PTPRM: variants seen among roughly 807,000 people sequenced by gnomAD.
PTPRM encodes protein tyrosine phosphatase receptor type M.
PTPRM carries 47 observed loss-of-function variants against 186.7 expected under a neutral mutation model. The observed-to-expected ratio is 0.25, with a 90% CI of 0.20 to 0.32. The LOEUF is 0.32. Ranked by LOEUF, PTPRM falls within the 10% of genes least tolerant of loss-of-function variation. The pLI is 1.00. For synonymous variants in PTPRM, 668 were observed against 674.9 expected (o/e 0.99, Z 0.16); for missense variants, 1,494 against 1,865.0 (o/e 0.80, Z 3.66).
At chr18:8,056,006 T>C (rs2087903325) in intron 7 of PTPRM, among the ~76,000 whole-genome samples, 2 of 152,106 alleles carry the variant, frequency 1.3e-5, no homozygotes, top group African/African-American at 4.8e-5. Context: ...CCTACGCAAT[T>C]AAAAAAATTG....
chr18:7,576,834 A>G (rs2036700057), intron 1 of PTPRM, among the ~76,000 whole-genome samples: 1 of 152,088 alleles, frequency 6.6e-6, no homozygotes, highest in Admixed American at 6.5e-5. Flanking sequence ...GAGGTACTTT[A>G]CATCATGTAA....
intron 8 of PTPRM, among the ~76,000 whole-genome samples, chr18:8,074,517 C>T (rs1306217073): frequency 6.6e-6 from 1 of 152,170 alleles, no homozygotes. Flanking sequence ...CTTTACCTTC[C>T]CTCCAGCAGG....
At chr18:7,847,170 G>T (rs559308690) in intron 2 of PTPRM, among the ~76,000 whole-genome samples, 2 of 115,968 alleles carry the variant, frequency 1.7e-5, no homozygotes, top group African/African-American at 6.2e-5. Flanking sequence ...ATACAAATCT[G>T]GCTTTTTTTT....
chr18:7,769,974 A>G (rs1259397800), intron 1 of PTPRM, among the ~76,000 whole-genome samples: 1 of 152,146 alleles, frequency 6.6e-6, no homozygotes, highest in Non-Finnish European at 1.5e-5. Flanking sequence ...CATCTTGTAT[A>G]TGACTTGGGT....
At chr18:8,308,224 G>T (rs2095241316) in intron 20 of PTPRM, among the ~76,000 whole-genome samples, 2 of 152,286 alleles carry the variant, frequency 1.3e-5, no homozygotes, top group South Asian at 2.1e-4. Context: ...AGTGTGAGTG[G>T]CAGGCTTTTG....
At position 8,341,691 on chromosome 18, in the gene PTPRM, C is replaced by CCG. The variant is rs777738212; in HGVS notation, c.2957-1731_2957-1730insGC. 2.6e-4 allele frequency among the ~76,000 whole-genome samples: 40 copies of CCG among 152,044 alleles called. No individual in the cohort carries two copies. The East Asian group carries it at 5.6e-3, about 21-fold the overall frequency. Reference sequence around the variant, plus strand: ...CTGTGTACCTAGTGAAGCCCCCCCCCCTTTGATTCAGGGGTCACATTGGGC... The same window carrying CCG: ...CTGTGTACCTAGTGAAGCCCCCCCCCCGCTTTGATTCAGGGGTCACATTGGGC... On this transcript the variant is annotated intron_variant, in intron 22 of 32. Coordinates refer to ENST00000580170, the MANE Select transcript of PTPRM (RefSeq NM_001105244.2).
At chr18:7,706,455 C>G (rs2144747257) in intron 1 of PTPRM, among the ~76,000 whole-genome samples, 1 of 151,412 alleles carries the variant, frequency 6.6e-6, no homozygotes. Context: ...AAAAATTAGC[C>G]AAGAGTGGTG....
At chr18:8,002,335 A>G (rs577241452) in intron 7 of PTPRM, among the ~76,000 whole-genome samples, 1 of 152,226 alleles carries the variant, frequency 6.6e-6, no homozygotes. Context: ...TGGGTAGTAG[A>G]GCACATAATT....
At chr18:7,594,892 A>G (rs1941136) in intron 1 of PTPRM, among the ~76,000 whole-genome samples, 46,152 of 152,036 alleles carry the variant, frequency 0.3, 10,485 homozygotes, top group African/African-American at 0.63. Context: ...CTACCTCACA[A>G]GGTAAAAAAT....
chr18:7,729,389 A>G (rs2144383349), intron 1 of PTPRM, among the ~76,000 whole-genome samples: 1 of 152,286 alleles, frequency 6.6e-6, no homozygotes, highest in East Asian at 1.9e-4. Context: ...GAAATAGATG[A>G]TCTTCTCAAG....
intron 8 of PTPRM, among the ~76,000 whole-genome samples, chr18:8,074,133 C>T (rs1461844926): frequency 2.6e-5 from 4 of 152,080 alleles, no homozygotes; most frequent in Admixed American, 6.5e-5. Flanking sequence ...CCTCTAATCT[C>T]AAAAAAATAG....
At chr18:7,901,793 C>T (rs2049704878) in intron 3 of PTPRM, among the ~76,000 whole-genome samples, 1 of 152,154 alleles carries the variant, frequency 6.6e-6, no homozygotes, top group African/African-American at 2.4e-5. Context: ...TTCATTTAGT[C>T]GTATTTATTT....
At chr18:8,031,815 T>G (rs2085994379) in intron 7 of PTPRM, among the ~76,000 whole-genome samples, 1 of 152,148 alleles carries the variant, frequency 6.6e-6, no homozygotes, top group South Asian at 2.1e-4. Context: ...CAGTCAAGCT[T>G]GGCCTCATTC....
intron 1 of PTPRM, among the ~76,000 whole-genome samples, chr18:7,585,517 G>A (rs992000668): frequency 6.6e-6 from 1 of 152,214 alleles, no homozygotes; most frequent in Admixed American, 6.5e-5. Context: ...AATTTGGCCA[G>A]AGGTTGGAAA....
intron 1 of PTPRM, among the ~76,000 whole-genome samples, chr18:7,638,988 T>C (rs2038381968): frequency 1.3e-5 from 2 of 152,226 alleles, no homozygotes; most frequent in Non-Finnish European, 2.9e-5. Flanking sequence ...CCATGTTTAT[T>C]TCTCCAAAAC....
chr18:8,145,413 G>T (rs759106071), intron 14 of PTPRM, among the ~76,000 whole-genome samples: 1 of 152,058 alleles, frequency 6.6e-6, no homozygotes, highest in African/African-American at 2.4e-5. Flanking sequence ...ATGGTGGTTT[G>T]CTTTACCCAT....
chr18:7,905,710 C>T (rs1283877690), intron 3 of PTPRM, among the ~76,000 whole-genome samples: 1 of 152,202 alleles, frequency 6.6e-6, no homozygotes, highest in Non-Finnish European at 1.5e-5. Context: ...TTAGCTCCTT[C>T]TCATCCTGTA....
chr18:7,898,942 T>C (rs966156956), intron 3 of PTPRM, among the ~76,000 whole-genome samples: 1 of 152,232 alleles, frequency 6.6e-6, no homozygotes, highest in Non-Finnish European at 1.5e-5. Context: ...TCACAATGTT[T>C]TTGTAATGTT....
intron 13 of PTPRM, among the ~76,000 whole-genome samples, chr18:8,127,418 G>GTGT (rs1555756133): frequency 3.0e-5 from 4 of 133,830 alleles, no homozygotes; most frequent in East Asian, 4.5e-4. Flanking sequence ...CAGCTGTATT[G>GTGT]TTTTTTTTTT....
Sources: allele counts gnomAD v4.1 joint callset (sites outside exome capture counted in the v4.1 genomes callset), GRCh38; gene constraint gnomAD v4.1.1; transcripts MANE v1.5; gene names NCBI Gene and HGNC (gene_info 2026-07-23, HGNC 2026-07-21).